SPPL3: variants seen among roughly 807,000 people sequenced by gnomAD.
The protein encoded by SPPL3 is signal peptide peptidase-like 3.
In SPPL3, 5 loss-of-function variants were observed where a neutral mutation model predicts 42.4. The observed-to-expected ratio is 0.12, with a 90% CI of 0.06 to 0.25. The LOEUF is 0.25. Among genes scored for constraint, SPPL3 ranks in the 10% least tolerant of loss-of-function variants. The pLI is 1.00. For missense variants in SPPL3, 235 were observed against 489.0 expected (o/e 0.48, Z 4.90); for synonymous variants, 195 against 181.8 (o/e 1.07, Z -0.58).
intron 8 of SPPL3, 106 bp downstream of exon 8, chr12:120,768,219 G>A (rs766564598): frequency 7.3e-7 from 1 of 1,364,718 alleles, no homozygotes; most frequent in Non-Finnish European, 9.9e-7. Flanking sequence ...TGGAGATAAT[G>A]GCCCCAGGTT....
At chr12:120,839,290 T>C (rs1462317316) in intron 1 of SPPL3, among the ~76,000 whole-genome samples, 1 of 138,240 alleles carries the variant, frequency 7.2e-6, no homozygotes, top group African/African-American at 2.7e-5. Flanking sequence ...TTCTCACTCA[T>C]AGATGGGAAT....
At chr12:120,822,544 T>TA (rs1379419433) in intron 1 of SPPL3, among the ~76,000 whole-genome samples, 1 of 152,180 alleles carries the variant, frequency 6.6e-6, no homozygotes, top group Non-Finnish European at 1.5e-5. Flanking sequence ...TAACCTCTCC[T>TA]AGTGACAAAT....
chr12:120,802,239 T>C (rs1870322891), intron 2 of SPPL3, among the ~76,000 whole-genome samples: 1 of 151,752 alleles, frequency 6.6e-6, no homozygotes, highest in Non-Finnish European at 1.5e-5. Context: ...GGTTCCTTCA[T>C]TCTGATAAAA....
intron 2 of SPPL3, among the ~76,000 whole-genome samples, chr12:120,809,987 T>C (rs541621871): frequency 6.6e-6 from 1 of 152,056 alleles, no homozygotes; most frequent in Non-Finnish European, 1.5e-5. Flanking sequence ...ATTTTTTTTT[T>C]TTTGAGACAT....
intron 1 of SPPL3, among the ~76,000 whole-genome samples, chr12:120,864,705 G>A (rs766742108): frequency 6.6e-5 from 10 of 152,128 alleles, no homozygotes; most frequent in Non-Finnish European, 1.2e-4. Context: ...GAAAAAAGAT[G>A]GTTAGGTCAG....
intron 6 of SPPL3, among the ~76,000 whole-genome samples, chr12:120,780,732 TACAAAAATTAAAAAAAAAAACAAA>T (rs1387165894): frequency 8.2e-6 from 1 of 121,508 alleles, no homozygotes; most frequent in Non-Finnish European, 1.7e-5. Context: ...TACTAAAAAA[TACAAAAATTAAAAAAAAAAACAAA>T]ACAAAAATTA....
chr12:120,777,243 G>A (rs1325486216), intron 6 of SPPL3, among the ~76,000 whole-genome samples: 1 of 152,204 alleles, frequency 6.6e-6, no homozygotes, highest in Non-Finnish European at 1.5e-5. Context: ...TCATCAGGAA[G>A]CCACTGGACT....
intron 1 of SPPL3, among the ~76,000 whole-genome samples, chr12:120,893,377 T>A (rs577116711): frequency 4.4e-4 from 67 of 152,004 alleles, no homozygotes; most frequent in Middle Eastern, 6.8e-3. Context: ...GTGAAAAAAA[T>A]ATATATTTTT....
chr12:120,811,762 C>CT (rs1299565786), intron 1 of SPPL3, among the ~76,000 whole-genome samples: 1 of 152,104 alleles, frequency 6.6e-6, no homozygotes, highest in East Asian at 1.9e-4. Flanking sequence ...CTGCTAGCCA[C>CT]TGGGATATAC....
At chr12:120,833,155 G>C (rs1458229284) in intron 1 of SPPL3, among the ~76,000 whole-genome samples, 2 of 152,178 alleles carry the variant, frequency 1.3e-5, no homozygotes, top group African/African-American at 4.8e-5. Flanking sequence ...TGAAGAATAA[G>C]TAGGATCTGA....
intron 1 of SPPL3, among the ~76,000 whole-genome samples, chr12:120,901,640 C>T (rs1380234895): frequency 6.6e-6 from 1 of 151,764 alleles, no homozygotes; most frequent in Non-Finnish European, 1.5e-5. Context: ...CCAGTCTCCC[C>T]TTATATGCCA....
chr12:120,780,818 C>G (rs1025020509), intron 6 of SPPL3, among the ~76,000 whole-genome samples: 1 of 151,322 alleles, frequency 6.6e-6, no homozygotes, highest in African/African-American at 2.4e-5. Context: ...GAGGCTGAGG[C>G]AGAATAGTTG....
chr12:120,769,574 G>A (rs1869038245), intron 6 of SPPL3: 1 of 154,158 alleles, frequency 6.5e-6, no homozygotes, highest in Non-Finnish European at 1.4e-5. Context: ...TTTTGGAGAT[G>A]GAGTCTCGCT....
chr12:120,837,268 G>T (rs1234397044), intron 1 of SPPL3, among the ~76,000 whole-genome samples: 3 of 152,108 alleles, frequency 2.0e-5, no homozygotes, highest in Admixed American at 6.6e-5. Flanking sequence ...AGCAATAATT[G>T]TCCCTTCAAC....
At chr12:120,850,073 A>C (rs1435614593) in intron 1 of SPPL3, among the ~76,000 whole-genome samples, 3 of 152,180 alleles carry the variant, frequency 2.0e-5, no homozygotes, top group Non-Finnish European at 4.4e-5. Flanking sequence ...TCTGGAGTGC[A>C]AATATAAAAC....
intron 6 of SPPL3, among the ~76,000 whole-genome samples, chr12:120,773,469 A>C (rs930055792): frequency 6.6e-6 from 1 of 152,228 alleles, no homozygotes. Flanking sequence ...GACGGGAGAC[A>C]GGAGTCTGCG....
In SPPL3 at chr12:120,803,824, G is replaced by C. The variant is rs147674151; in HGVS notation, c.101+6985C>G. 1.7e-3 allele frequency among the ~76,000 whole-genome samples: 260 copies of C among 152,180 alleles called. 2 individuals carry two copies. The highest frequency in any genetic ancestry group is 6.0e-3 in the African/African-American group (250 of 41,538). On this transcript the variant is annotated intron_variant, in intron 2 of 10. Transcript: ENST00000353487. ...TCCCTACGTCATCTAACAAGTTCAGGCTTCTGTGTATGATGTTTTCTTCAA... is the reference window on the plus strand; with the variant it reads ...TCCCTACGTCATCTAACAAGTTCAGCCTTCTGTGTATGATGTTTTCTTCAA...
intron 6 of SPPL3, chr12:120,769,333 T>A: frequency 3.1e-6 from 1 of 320,508 alleles, no homozygotes. Context: ...CTCCAAGCTC[T>A]CTTTTCCTGC....
chr12:120,788,543 A>G (rs554345790), intron 3 of SPPL3, among the ~76,000 whole-genome samples: 5 of 152,246 alleles, frequency 3.3e-5, no homozygotes, highest in African/African-American at 1.2e-4. Flanking sequence ...CCTAGCTCCT[A>G]TTATAATCAA....
Sources: allele counts gnomAD v4.1 joint callset (sites outside exome capture counted in the v4.1 genomes callset), GRCh38; gene constraint gnomAD v4.1.1; transcripts MANE v1.5; gene names NCBI Gene and HGNC (gene_info 2026-07-23, HGNC 2026-07-21).